CREM: variants seen among roughly 807,000 people sequenced by gnomAD.
CREM encodes cAMP-responsive element modulator.
A neutral mutation model predicts 37.3 loss-of-function variants in CREM; 13 were observed. That is an observed-to-expected ratio of 0.35 (90% confidence interval 0.23 to 0.55). The LOEUF is 0.55. Among genes scored for constraint, CREM ranks in the 20% least tolerant of loss-of-function variants. The pLI is 0.88. For missense variants in CREM, 296 were observed against 362.3 expected (o/e 0.82, Z 1.49); for synonymous variants, 124 against 120.2 (o/e 1.03, Z -0.21).
intron 3 of CREM, among the ~76,000 whole-genome samples, chr10:35,166,945 C>G (rs543856608): frequency 2.0e-5 from 3 of 152,130 alleles, no homozygotes; most frequent in African/African-American, 7.2e-5. Context: ...AGTTCAAGAC[C>G]AGCCTGGCAG....
At chr10:35,203,476 G>A (rs1362570271) in intron 6 of CREM, among the ~76,000 whole-genome samples, 2 of 152,044 alleles carry the variant, frequency 1.3e-5, no homozygotes, top group Non-Finnish European at 1.5e-5. Flanking sequence ...GGTAGATCAC[G>A]AGGTTAGGAG....
chr10:35,138,946 A>T (rs2091039357), intron 2 of CREM, among the ~76,000 whole-genome samples: 1 of 152,034 alleles, frequency 6.6e-6, no homozygotes. Context: ...AAAACAATAG[A>T]TATATTAATA....
chr10:35,148,073 T>G (rs550597858), intron 2 of CREM, among the ~76,000 whole-genome samples: 1 of 152,324 alleles, frequency 6.6e-6, no homozygotes, highest in South Asian at 2.1e-4. Context: ...ATGAGTTACC[T>G]TGGGGATGAG....
intron 3 of CREM, among the ~76,000 whole-genome samples, chr10:35,173,972 G>A (rs970412726): frequency 2.0e-5 from 3 of 152,186 alleles, no homozygotes; most frequent in Non-Finnish European, 4.4e-5. Flanking sequence ...ATACAGAGTT[G>A]CCTTTTGTGC....
At chr10:35,147,165 C>T (rs1453935825) in intron 2 of CREM, among the ~76,000 whole-genome samples, 1 of 151,162 alleles carries the variant, frequency 6.6e-6, no homozygotes, top group Non-Finnish European at 1.5e-5. Context: ...ATTCTCCTGC[C>T]TCAGCCTCCC....
intron 3 of CREM, chr10:35,154,116 A>C (rs2092755366): frequency 2.5e-6 from 1 of 398,428 alleles, no homozygotes; most frequent in Admixed American, 4.4e-5. Flanking sequence ...GCCATCGGGG[A>C]TTGAAGTAGG....
chr10:35,168,620 A>T (rs1271346355), intron 3 of CREM, among the ~76,000 whole-genome samples: 1 of 152,120 alleles, frequency 6.6e-6, no homozygotes, highest in Non-Finnish European at 1.5e-5. Context: ...CCATTTGTCA[A>T]TTTTGGCTTT....
chr10:35,137,232 G>A (rs1184163842), intron 1 of CREM, among the ~76,000 whole-genome samples: 1 of 152,142 alleles, frequency 6.6e-6, no homozygotes, highest in Non-Finnish European at 1.5e-5. Context: ...TCTAAACTAG[G>A]TTTTTTAATG....
intron 6 of CREM, chr10:35,195,933 T>C: frequency 1.2e-6 from 1 of 819,910 alleles, no homozygotes; most frequent in South Asian, 1.6e-5. Context: ...TAGAGTTAAC[T>C]AGCTCACCAC....
chr10:35,205,710 A>G lies in CREM; in HGVS notation c.599-1185A>G, dbSNP rs143042106. 8.3e-3 allele frequency among the ~76,000 whole-genome samples: 1,259 copies of G among 151,914 alleles called. 21 individuals carry two copies. Among genetic ancestry groups the G allele is most frequent in the African/African-American group, 0.028 (1,140 of 41,440 alleles). On this transcript the variant is annotated intron_variant, in intron 6 of 7. Transcript: ENST00000685392. Reference sequence around the variant, plus strand: ...GTGGTGGCTCACGCCTGTAATCCCAACACTTTGCGAGGTTGAGGCAGGCAG... The same window carrying G: ...GTGGTGGCTCACGCCTGTAATCCCAGCACTTTGCGAGGTTGAGGCAGGCAG...
chr10:35,181,216 A>G (rs563373697), intron 5 of CREM, among the ~76,000 whole-genome samples: 51 of 152,342 alleles, frequency 3.3e-4, no homozygotes, highest in African/African-American at 1.1e-3. Context: ...TGCAAACTCA[A>G]TGATCAGAGC....
intron 6 of CREM, among the ~76,000 whole-genome samples, chr10:35,199,248 A>T (rs527568276): frequency 6.6e-6 from 1 of 152,378 alleles, no homozygotes; most frequent in Admixed American, 6.5e-5. Flanking sequence ...ATAACAAGGC[A>T]TTTATCTACC....
At chr10:35,161,342 A>G (rs765143526) in intron 3 of CREM, among the ~76,000 whole-genome samples, 3 of 151,996 alleles carry the variant, frequency 2.0e-5, no homozygotes, top group Non-Finnish European at 4.4e-5. Context: ...CTAAAAATAC[A>G]AAAATAAGCA....
At chr10:35,153,920 G>A (rs7916992) in intron 3 of CREM, 4 of 389,460 alleles carry the variant, frequency 1.0e-5, no homozygotes, top group South Asian at 1.4e-4. Flanking sequence ...AGAGAAAGCC[G>A]CTAGGGAATG....
intron 7 of CREM, among the ~76,000 whole-genome samples, chr10:35,207,899 C>G (rs2095572846): frequency 2.0e-5 from 3 of 152,136 alleles, no homozygotes; most frequent in Non-Finnish European, 4.4e-5. Context: ...GGCTGTTAAA[C>G]TATTTCATCA....
chr10:35,145,107 G>C (rs2091910592), intron 2 of CREM, among the ~76,000 whole-genome samples: 1 of 144,984 alleles, frequency 6.9e-6, no homozygotes, highest in Non-Finnish European at 1.5e-5. Context: ...GTTGCAGTGA[G>C]TCCAGATCGC....
At chr10:35,186,681 A>G (rs1309105680) in intron 5 of CREM, among the ~76,000 whole-genome samples, 1 of 140,274 alleles carries the variant, frequency 7.1e-6, no homozygotes, top group Admixed American at 7.6e-5. Flanking sequence ...ATTATAATAA[A>G]TATATATTAA....
chr10:35,147,285 C>A (rs1389397029), intron 2 of CREM, among the ~76,000 whole-genome samples: 2 of 151,834 alleles, frequency 1.3e-5, no homozygotes, highest in Non-Finnish European at 2.9e-5. Flanking sequence ...GATCTCCTGA[C>A]CTGGTGATCC....
chr10:35,192,216 G>A (rs549944549), intron 6 of CREM, among the ~76,000 whole-genome samples: 1 of 152,256 alleles, frequency 6.6e-6, no homozygotes, highest in Admixed American at 6.5e-5. Flanking sequence ...TCAGTTTTTT[G>A]GGAATTGTTC....
Sources: gnomAD v4.1 joint callset for allele counts (sites outside exome capture counted in the v4.1 genomes callset) on GRCh38, gnomAD v4.1.1 for gene constraint, MANE v1.5 for transcripts, NCBI Gene and HGNC (gene_info 2026-07-23, HGNC 2026-07-21) for gene names.